Variants in IQGAP2 observed in about 807,000 individuals in gnomAD.
The protein encoded by IQGAP2 is ras GTPase-activating-like protein IQGAP2.
A neutral mutation model predicts 201.3 loss-of-function variants in IQGAP2; 173 were observed. That is an observed-to-expected ratio of 0.86 (90% CI 0.76 to 0.98). The LOEUF (loss-of-function observed/expected upper bound fraction) is 0.98, where lower values mean the gene tolerates loss of function less well. Among genes scored for constraint, IQGAP2 ranks in the 50% least tolerant of loss-of-function variants. IQGAP2 has a pLI of 0.00. For missense variants in IQGAP2, 1,687 were observed against 1,864.8 expected, an observed-to-expected ratio of 0.90 and a Z score of 1.76; for synonymous variants, 675 against 673.9, an observed-to-expected ratio of 1.00 and a Z score of -0.03.
chr5:76,458,527 A>G (rs1220228013), intron 1 of IQGAP2, among the ~76,000 whole-genome samples: 3 of 152,188 alleles, frequency 2.0e-5, no homozygotes, highest in Admixed American at 6.5e-5. Flanking sequence ...TTACAATTTG[A>G]CAGTAGATTA....
At chr5:76,623,079 T>G in intron 13 of IQGAP2, 1 of 1,210,022 alleles carries the variant, frequency 8.3e-7, no homozygotes. Flanking sequence ...ACAGTTTGTG[T>G]GAGATGCAAA....
chr5:76,621,299 G>T (rs1330061104), intron 13 of IQGAP2, among the ~76,000 whole-genome samples: 2 of 152,184 alleles, frequency 1.3e-5, no homozygotes, highest in African/African-American at 4.8e-5. Context: ...TAGTAACTGA[G>T]GGGTATGGAG....
At chr5:76,644,763 A>T (rs1048082049) in intron 17 of IQGAP2, among the ~76,000 whole-genome samples, 3 of 152,202 alleles carry the variant, frequency 2.0e-5, no homozygotes, top group Non-Finnish European at 4.4e-5. Context: ...ATCTCAAAGG[A>T]ACTAAAACTT....
intron 34 of IQGAP2, chr5:76,701,599 T>C (rs1315389201): frequency 5.6e-6 from 1 of 177,078 alleles, no homozygotes; most frequent in East Asian, 1.6e-4. Flanking sequence ...CAAAGCATGC[T>C]GTGAGTGTGT....
chr5:76,701,012 C>T (rs10942789), intron 33 of IQGAP2, 64 bp from the exon 34 acceptor site: 519,896 of 1,541,560 alleles, frequency 0.34, 89,525 homozygotes, highest in Non-Finnish European at 0.36. Flanking sequence ...GTATGGTAAT[C>T]GCACTACCAG....
Position 76,591,203 on chromosome 5 carries a change from G to C in IQGAP2, c.819+617G>C, listed in dbSNP as rs144240270. Among the ~76,000 whole-genome samples the C allele has an allele frequency of 1.7e-3, 259 of 152,310 alleles. 2 individuals carry two copies. The highest frequency in any genetic ancestry group is 6.0e-3 in the African/African-American group (248 of 41,564). ...AGGAAGTGTAGAAGTAGCAACTCAT[G>C]ATCATCCCTTGTTAGACATCAACAG... On this transcript the variant is annotated intron_variant, in intron 8 of 35. Transcript: ENST00000274364.
intron 27 of IQGAP2, among the ~76,000 whole-genome samples, chr5:76,675,190 C>T (rs190865537): frequency 6.6e-6 from 1 of 152,188 alleles, no homozygotes; most frequent in East Asian, 1.9e-4. Context: ...ATTTTTTCAA[C>T]CAAAGACAGA....
intron 32 of IQGAP2, among the ~76,000 whole-genome samples, 169 bp downstream of exon 32, chr5:76,695,835 C>CTTTTTTTTTT (rs56984768): frequency 4.5e-4 from 37 of 83,104 alleles, no homozygotes; most frequent in African/African-American, 6.7e-4. Context: ...CAGTTGATGA[C>CTTTTTTTTTT]TTTTTTTTTT....
In IQGAP2 at chr5:76,407,431, C is replaced by T. The variant is rs139719202; in HGVS notation, c.46+3840C>T. ...AAATTTAAGTTCTGAAGTAGTTAAA[C>T]GCAGTTGTGTAAAAGGTGATTGAAT... On this transcript the variant is annotated intron_variant, in intron 1 of 35. Transcript: ENST00000274364. Among the ~76,000 whole-genome samples, 521 of 152,274 alleles carry T rather than the reference C, an allele frequency of 3.4e-3. 3 individuals are homozygous for T. The highest frequency in any genetic ancestry group is 9.7e-3 in the African/African-American group (402 of 41,556).
At chr5:76,505,988 T>G (rs1757589013) in intron 2 of IQGAP2, among the ~76,000 whole-genome samples, 1 of 152,172 alleles carries the variant, frequency 6.6e-6, no homozygotes, top group South Asian at 2.1e-4. Flanking sequence ...ATTAGACACT[T>G]TCTGTGTAGC....
chr5:76,522,386 T>C (rs1449319761), intron 2 of IQGAP2, among the ~76,000 whole-genome samples: 47 of 152,098 alleles, frequency 3.1e-4, no homozygotes, highest in Admixed American at 3.1e-3. Context: ...TTTCGCCATG[T>C]TGGCCAGGCT....
chr5:76,588,998 T>C, intron 6 of IQGAP2, 25 bp downstream of exon 6: 1 of 1,509,638 alleles, frequency 6.6e-7, no homozygotes, highest in Non-Finnish European at 9.2e-7. Flanking sequence ...CTTTGTAATT[T>C]TTTACAATCT....
intron 2 of IQGAP2, among the ~76,000 whole-genome samples, chr5:76,494,311 G>A (rs1427489837): frequency 6.6e-6 from 1 of 152,196 alleles, no homozygotes; most frequent in Non-Finnish European, 1.5e-5. Context: ...TAAAAGAAAT[G>A]TGGCAAAAGG....
intron 24 of IQGAP2, among the ~76,000 whole-genome samples, chr5:76,672,196 C>T (rs1391021008): frequency 2.0e-5 from 3 of 152,208 alleles, no homozygotes; most frequent in Non-Finnish European, 2.9e-5. Flanking sequence ...AATGCCACAA[C>T]TTCCATAATT....
chr5:76,545,132 G>A (rs1318905482), intron 2 of IQGAP2, among the ~76,000 whole-genome samples: 1 of 152,130 alleles, frequency 6.6e-6, no homozygotes, highest in Non-Finnish European at 1.5e-5. Context: ...TGTGTAACAT[G>A]GATGTGTATA....
At chr5:76,427,729 C>T (rs1752092202) in intron 1 of IQGAP2, among the ~76,000 whole-genome samples, 1 of 152,168 alleles carries the variant, frequency 6.6e-6, no homozygotes, top group African/African-American at 2.4e-5. Flanking sequence ...CCAGGTGATG[C>T]CGGCACTGCA....
rs758501145 is a variant in IQGAP2, at chr5:76,672,001, G to T, written c.3068+18G>T. 6.4e-7 allele frequency: 1 copy of T among 1,558,604 alleles called. No individual in the cohort carries two copies. The highest frequency in any genetic ancestry group is 8.8e-7 in the Non-Finnish European group (1 of 1,132,158). The stretch of plus-strand genomic sequence containing the variant: ...GAGGCCAGGTAATAGAATCAGGAAG[G>T]TGTTGGTCTTCTGTTATGTTTTATG... On this transcript the variant is annotated intron_variant, in intron 24 of 35. Coordinates refer to ENST00000274364, the MANE Select transcript of IQGAP2 (RefSeq NM_006633.5).
In IQGAP2 at chr5:76,617,099, A is replaced by G. The variant is rs1749050841; in HGVS notation, c.1521+5916A>G. 1.9e-5 allele frequency: 3 copies of G among 154,712 alleles called. 1 individual carries two copies. The highest frequency in any genetic ancestry group is 4.0e-4 in the South Asian group (2 of 4,978). The allele number at this position is 154,712 out of a possible 1,614,324, so 9.6% of individuals were successfully genotyped here. A position where few individuals can be genotyped will look rare whatever the true frequency, so the allele number is the denominator to read the frequency against. On this transcript the variant is annotated intron_variant, in intron 13 of 35. Coordinates refer to ENST00000274364, the MANE Select transcript of IQGAP2 (RefSeq NM_006633.5). The stretch of plus-strand genomic sequence containing the variant: ...AAATGTCATTTTCCATAGAGTTGTG[A>G]TATCTTTTCTCCTGCATTAACATTT...
At chr5:76,539,619 G>C (rs1014905306) in intron 2 of IQGAP2, among the ~76,000 whole-genome samples, 6 of 152,116 alleles carry the variant, frequency 3.9e-5, no homozygotes, top group African/African-American at 1.4e-4. Flanking sequence ...ACCTGCACTA[G>C]AACCTTGCCC....
Sources: allele counts gnomAD v4.1 joint callset (sites outside exome capture counted in the v4.1 genomes callset), GRCh38; gene constraint gnomAD v4.1.1; transcripts MANE v1.5; gene names NCBI Gene and HGNC (gene_info 2026-07-23, HGNC 2026-07-21).